The following ZNF33B variants were observed in gnomAD, a reference collection of about 807,000 sequenced individuals.
ZNF33B encodes zinc finger protein 11b (KOX 2).
Under a neutral mutation model 45.8 loss-of-function variants are expected in ZNF33B, and 29 were observed. That is an observed-to-expected ratio of 0.63 (90% CI 0.47 to 0.86). ZNF33B has a LOEUF of 0.86. ZNF33B is among the 40% of genes least tolerant of loss of function. ZNF33B has a pLI of 0.00. For synonymous variants in ZNF33B, 305 were observed against 307.8 expected (o/e 0.99, Z 0.10); for missense variants, 831 against 909.9 (o/e 0.91, Z 1.12).
At chr10:42,597,103 G>A (rs1250648172) in intron 4 of ZNF33B, among the ~76,000 whole-genome samples, 1 of 152,012 alleles carries the variant, frequency 6.6e-6, no homozygotes, top group African/African-American at 2.4e-5. Context: ...TCATTTGAGA[G>A]TTTTAATCAG....
Position 42,593,045 on chromosome 10 carries a change from T to C in ZNF33B, c.1905A>G (p.Lys635=), listed in dbSNP as rs760407752. 2 of 1,614,084 alleles carry C rather than the reference T, an allele frequency of 1.2e-6. No individual in the cohort carries two copies. Among genetic ancestry groups the C allele is most frequent in the South Asian group, 1.1e-5 (1 of 91,074 alleles). The part of the protein sequence containing the change: ...TQHQRIHIGE[K]PYECNECGKA... The stretch of plus-strand genomic sequence containing the variant: ...TTCCACACTCATTACATTCATAGGG[T>C]TTCTCCCCTATGTGAATTCTCTGAT... Residue 635 remains lysine (K), a synonymous_variant, in exon 5 of 5, where the codon AAA becomes AAG. Transcript: ENST00000359467.
At position 42,593,710 on chromosome 10, in the gene ZNF33B, G is replaced by A; in HGVS notation, c.1240C>T (p.Gln414Ter). 1 of 1,612,878 alleles carries A rather than the reference G, an allele frequency of 6.2e-7. No homozygotes were observed. The highest frequency in any genetic ancestry group is 1.3e-5 in the African/African-American group (1 of 74,734). Residue 414 changes from glutamine (Q) to a stop codon, truncating the protein, a stop_gained, in exon 5 of 5, where the codon CAG (glutamine) becomes TAG (stop). Coordinates refer to ENST00000359467, the MANE Select transcript of ZNF33B (RefSeq NM_006955.3). LOFTEE classifies it high-confidence loss of function. ...AAAGTTTTCCCACATGCATTACACT[G>A]ATAGGGTTTCTCCCCTGTATGTGTT... ...QRTHTGEKPY[Q>*]CNACGKTFYQ...
chr10:42,586,384 C>T (rs193210755), downstream of ZNF33B, among the ~76,000 whole-genome samples: 2 of 152,216 alleles, frequency 1.3e-5, no homozygotes, highest in African/African-American at 4.8e-5. Context: ...CTCCTGACCT[C>T]ATGATCTGCC....
intron 4 of ZNF33B, among the ~76,000 whole-genome samples, chr10:42,598,147 T>C (rs1206552829): frequency 6.6e-6 from 1 of 152,218 alleles, no homozygotes; most frequent in Non-Finnish European, 1.5e-5. Flanking sequence ...GAATCTACAC[T>C]CCAAAGAATT....
intron 4 of ZNF33B, among the ~76,000 whole-genome samples, chr10:42,613,304 G>T (rs377646935): frequency 6.6e-6 from 1 of 152,136 alleles, no homozygotes; most frequent in African/African-American, 2.4e-5. Flanking sequence ...CCAGCACTTT[G>T]GGAGGCCGAG....
At chr10:42,603,087 G>T (rs1390933535) in intron 4 of ZNF33B, among the ~76,000 whole-genome samples, 6 of 152,144 alleles carry the variant, frequency 3.9e-5, no homozygotes, top group Non-Finnish European at 8.8e-5. Flanking sequence ...TGCCTACCTA[G>T]GTCATTGAGA....
At chr10:42,638,329 T>G (rs1421662295) in intron 1 of ZNF33B, 145 bp downstream of exon 1, 1 of 309,534 alleles carries the variant, frequency 3.2e-6, no homozygotes, top group Non-Finnish European at 6.3e-6. Flanking sequence ...AGCGTCCTGG[T>G]AGACATGCTG....
At chr10:42,636,022 G>A (rs927391365) in intron 2 of ZNF33B, among the ~76,000 whole-genome samples, 6 of 151,964 alleles carry the variant, frequency 3.9e-5, no homozygotes, top group Admixed American at 1.3e-4. Flanking sequence ...CCAGCTACTC[G>A]GGAGGCTGAG....
At chr10:42,605,052 T>A (rs905133202) in intron 4 of ZNF33B, 1 of 150,518 alleles carries the variant, frequency 6.6e-6, no homozygotes, top group South Asian at 2.1e-4. Context: ...GAAGAAACCC[T>A]CAAAAAATGA....
intron 4 of ZNF33B, among the ~76,000 whole-genome samples, chr10:42,628,026 CTTTT>C (rs774377431): frequency 1.3e-5 from 2 of 151,424 alleles, no homozygotes; most frequent in Non-Finnish European, 2.9e-5. Context: ...ATTCTTTTTC[CTTTT>C]TTTTGAGACA....
chr10:42,607,360 A>C (rs1043033289), intron 4 of ZNF33B, among the ~76,000 whole-genome samples: 2 of 151,680 alleles, frequency 1.3e-5, no homozygotes, highest in Admixed American at 1.3e-4. Context: ...TAGAGAGTGG[A>C]ATGAGAGACA....
At chr10:42,628,792 T>C (rs766411189) in intron 4 of ZNF33B, among the ~76,000 whole-genome samples, 5 of 152,076 alleles carry the variant, frequency 3.3e-5, no homozygotes, top group Admixed American at 6.5e-5. Context: ...AAGACTAACA[T>C]TGGCAACTAT....
rs1336895267 is a variant in ZNF33B, at chr10:42,589,690, C to T, written c.*2923G>A. The T allele has an allele frequency of 6.6e-6, 1 of 152,138 alleles. No individual in the cohort carries two copies. The highest frequency in any genetic ancestry group is 1.5e-5 in the Non-Finnish European group (1 of 68,038). The allele number at this position is 152,138 out of a possible 1,614,324, so 9.4% of individuals were successfully genotyped here. A position where few individuals can be genotyped will look rare whatever the true frequency, so the allele number is the denominator to read the frequency against. ...CCCTGCTATAATTGCTTATTAATGT[C>T]AGCAGGTTTTTGTTATTTAGAATTT... is the stretch of plus-strand genomic sequence containing the variant. On this transcript the variant is annotated 3_prime_UTR_variant, in exon 5 of 5. Coordinates refer to ENST00000359467, the MANE Select transcript of ZNF33B (RefSeq NM_006955.3).
At chr10:42,638,406 C>T in intron 1 of ZNF33B, 68 bp downstream of exon 1, 1 of 354,480 alleles carries the variant, frequency 2.8e-6, no homozygotes, top group African/African-American at 2.2e-5. Context: ...GGCACTGGCC[C>T]CCGGCTGCCT....
downstream of ZNF33B, among the ~76,000 whole-genome samples, chr10:42,586,078 T>A (rs1305373323): frequency 6.6e-6 from 1 of 152,150 alleles, no homozygotes; most frequent in Non-Finnish European, 1.5e-5. Flanking sequence ...TGCTTTACGG[T>A]TTCTCTAGGG....
intron 4 of ZNF33B, among the ~76,000 whole-genome samples, chr10:42,605,504 G>A (rs1017654388): frequency 6.6e-6 from 1 of 151,934 alleles, no homozygotes; most frequent in South Asian, 2.1e-4. Context: ...GCAAAACAGA[G>A]GGTGAAAATT....
intron 4 of ZNF33B, among the ~76,000 whole-genome samples, chr10:42,603,981 T>C (rs1837735309): frequency 6.6e-6 from 1 of 152,202 alleles, no homozygotes; most frequent in Admixed American, 6.5e-5. Context: ...AATCAGTATC[T>C]AGAGAAAGTA....
intron 2 of ZNF33B, among the ~76,000 whole-genome samples, chr10:42,633,612 G>T (rs915124908): frequency 6.6e-6 from 1 of 152,162 alleles, no homozygotes; most frequent in Non-Finnish European, 1.5e-5. Flanking sequence ...TGTAAACCAG[G>T]AAAGTTAGGG....
chr10:42,612,131 G>T (rs980778466), intron 4 of ZNF33B, among the ~76,000 whole-genome samples: 2 of 151,118 alleles, frequency 1.3e-5, no homozygotes, highest in Non-Finnish European at 2.9e-5. Context: ...TTCCTAGTTT[G>T]CTGAGTTTTA....
Sources: allele counts gnomAD v4.1 joint callset (sites outside exome capture counted in the v4.1 genomes callset), GRCh38; gene constraint gnomAD v4.1.1; transcripts MANE v1.5; gene names NCBI Gene and HGNC (gene_info 2026-07-23, HGNC 2026-07-21).